DENND4A: variants seen among roughly 807,000 people sequenced by gnomAD.
DENND4A encodes DENN domain containing 4A.
Under a neutral mutation model 199.3 loss-of-function variants are expected in DENND4A, and 70 were observed. The ratio of observed to expected loss-of-function variants is 0.35; its 90% CI spans 0.29 to 0.43. The LOEUF (loss-of-function observed/expected upper bound fraction) is 0.43. DENND4A is among the 20% of genes least tolerant of loss of function. The probability of loss-of-function intolerance (pLI) is 1.00; values close to 1 mark genes in which losing one functional copy is unlikely to be tolerated. For synonymous variants in DENND4A, 686 were observed against 766.9 expected, an observed-to-expected ratio of 0.89 and a Z score of 1.74; for missense variants, 1,723 against 2,255.8, an observed-to-expected ratio of 0.76 and a Z score of 4.78.
intron 7 of DENND4A, 109 bp from the exon 8 acceptor site, chr15:65,732,927 T>C (rs1026890468): frequency 1.9e-5 from 12 of 626,324 alleles, no homozygotes; most frequent in Non-Finnish European, 5.6e-6. Context: ...GTCCCTATTA[T>C]TTTGAAATCC....
intron 2 of DENND4A, among the ~76,000 whole-genome samples, chr15:65,759,601 C>T (rs1198172554): frequency 6.6e-6 from 1 of 152,154 alleles, no homozygotes; most frequent in Non-Finnish European, 1.5e-5. Flanking sequence ...TAATAAAGGG[C>T]TTAACCTTTT....
chr15:65,732,955 A>C, intron 7 of DENND4A, 137 bp from the exon 8 acceptor site: 3 of 515,296 alleles, frequency 5.8e-6, no homozygotes, highest in Non-Finnish European at 1.0e-5. Flanking sequence ...TATGAAAACA[A>C]GTGAACAACC....
chr15:65,747,102 T>C (rs1046475503), intron 4 of DENND4A, among the ~76,000 whole-genome samples: 4 of 141,272 alleles, frequency 2.8e-5, no homozygotes, highest in African/African-American at 1.0e-4. Context: ...TGAGACTCTG[T>C]TTAAAAAAAA....
rs765188486 is a variant in DENND4A at position 65,756,105 on chromosome 15, A to C, written c.311+35T>G. The C allele has an allele frequency of 3.0e-5, 45 of 1,520,244 alleles. No individual in the cohort carries two copies. The South Asian group carries it at 5.4e-4, about 18-fold the overall frequency. 94.2% of individuals were successfully genotyped at this position (1,520,244 alleles called of 1,614,324 possible). A position where few individuals can be genotyped will look rare whatever the true frequency, so the allele number is the denominator to read the frequency against. On this transcript the variant is annotated intron_variant, in intron 3 of 32. Transcript: ENST00000443035. ...CAAATCTACAAGGCATATTATTTGG[A>C]TCAATAACAGTAAGTCGTTTAAAAA...
At chr15:65,790,994 AC>A (rs1382412980) in intron 1 of DENND4A, among the ~76,000 whole-genome samples, 3 of 152,232 alleles carry the variant, frequency 2.0e-5, no homozygotes, top group Non-Finnish European at 4.4e-5. Context: ...GAGACTATAT[AC>A]ACACCAAATA....
chr15:65,696,906 C>A, intron 21 of DENND4A: 1 of 322,868 alleles, frequency 3.1e-6, no homozygotes. Context: ...GATGAATACC[C>A]AATCATCATG....
chr15:65,673,082 G>A (rs1032423992), intron 24 of DENND4A, among the ~76,000 whole-genome samples: 2 of 151,804 alleles, frequency 1.3e-5, no homozygotes, highest in African/African-American at 2.4e-5. Context: ...GGATGGTCTC[G>A]ATCTCTTGAC....
At chr15:65,772,955 C>T (rs915082531) in intron 1 of DENND4A, among the ~76,000 whole-genome samples, 3 of 147,404 alleles carry the variant, frequency 2.0e-5, no homozygotes, top group African/African-American at 7.5e-5. Flanking sequence ...TGATCTCGGA[C>T]CTCCAACCTT....
chr15:65,778,670 G>A (rs1051892996), intron 1 of DENND4A, among the ~76,000 whole-genome samples: 1 of 152,066 alleles, frequency 6.6e-6, no homozygotes, highest in African/African-American at 2.4e-5. Context: ...AGGATGAGGC[G>A]GGCGGATCAC....
At chr15:65,765,908 G>A (rs778083617) in intron 1 of DENND4A, among the ~76,000 whole-genome samples, 1 of 152,080 alleles carries the variant, frequency 6.6e-6, no homozygotes, top group Non-Finnish European at 1.5e-5. Context: ...AAGTACATAC[G>A]GCCAATGAAA....
At chr15:65,681,104 G>A (rs1351247813) in intron 23 of DENND4A, 1 of 152,214 alleles carries the variant, frequency 6.6e-6, no homozygotes, top group African/African-American at 2.4e-5. Flanking sequence ...TCATCCATTA[G>A]AAGCAACTCC....
At chr15:65,714,043 C>G (rs778356068) in intron 14 of DENND4A, among the ~76,000 whole-genome samples, 1 of 152,130 alleles carries the variant, frequency 6.6e-6, no homozygotes, top group Non-Finnish European at 1.5e-5. Flanking sequence ...ATCTCCAATT[C>G]TATTCCAACA....
chr15:65,700,918 A>G (rs2074847073), intron 19 of DENND4A, 133 bp downstream of exon 19: 9 of 1,040,824 alleles, frequency 8.6e-6, no homozygotes, highest in Non-Finnish European at 1.2e-5. Flanking sequence ...AAATGGGAAG[A>G]GTAATATAAT....
At chr15:65,783,233 T>G (rs938145895) in intron 1 of DENND4A, among the ~76,000 whole-genome samples, 2 of 152,204 alleles carry the variant, frequency 1.3e-5, no homozygotes, top group Non-Finnish European at 2.9e-5. Context: ...GCATTTCTCA[T>G]GGAGATACAG....
intron 1 of DENND4A, among the ~76,000 whole-genome samples, chr15:65,773,343 A>G (rs183120577): frequency 6.6e-6 from 1 of 152,250 alleles, no homozygotes; most frequent in Non-Finnish European, 1.5e-5. Flanking sequence ...GCACTAAAAC[A>G]CAAAGACAAA....
intron 1 of DENND4A, among the ~76,000 whole-genome samples, chr15:65,778,802 G>A (rs548179413): frequency 6.1e-4 from 92 of 151,018 alleles, no homozygotes; most frequent in African/African-American, 2.2e-3. Context: ...GCTGAGGCAG[G>A]AGAATCGCTT....
rs1043101836 is a variant in DENND4A, at chr15:65,661,330, G to T, written c.*521C>A. 1 of 151,978 alleles carries T rather than the reference G, an allele frequency of 6.6e-6. No individual in the cohort carries two copies. Among genetic ancestry groups the T allele is most frequent in the Admixed American group, 6.6e-5 (1 of 15,264 alleles). The allele number at this position is 151,978 out of a possible 1,614,324, so 9.4% of individuals were successfully genotyped here. A position where few individuals can be genotyped will look rare whatever the true frequency, so the allele number is the denominator to read the frequency against. ...ATAGCAGCAGACAAGGAAAATACAC[G>T]CTTGCTTGCTTAAGTTTAAATTCAT... On this transcript the variant is annotated 3_prime_UTR_variant, in exon 33 of 33. Transcript: ENST00000443035.
intron 1 of DENND4A, among the ~76,000 whole-genome samples, chr15:65,764,955 G>A (rs1217387466): frequency 7.0e-6 from 1 of 142,212 alleles, no homozygotes; most frequent in East Asian, 2.0e-4. Context: ...CTGGGTGACA[G>A]AGCGAGACCC....
intron 23 of DENND4A, among the ~76,000 whole-genome samples, chr15:65,677,927 C>CTTT (rs11071847): frequency 3.5e-4 from 35 of 100,074 alleles, no homozygotes; most frequent in East Asian, 2.9e-3. Context: ...CCTCTTATCT[C>CTTT]TTTTTTTTTT....
Sources: allele counts gnomAD v4.1 joint callset (sites outside exome capture counted in the v4.1 genomes callset), GRCh38; gene constraint gnomAD v4.1.1; transcripts MANE v1.5; gene names NCBI Gene and HGNC (gene_info 2026-07-23, HGNC 2026-07-21).